The following SLC35F1 variants were observed in gnomAD, a reference collection of about 807,000 sequenced individuals.
The protein encoded by SLC35F1 is chromosome 6 open reading frame 169.
Under a neutral mutation model 48.7 loss-of-function variants are expected in SLC35F1, and 14 were observed. That is an observed-to-expected ratio of 0.29 (90% CI 0.19 to 0.45). The LOEUF is 0.45. Ranked by LOEUF, SLC35F1 falls within the 20% of genes least tolerant of loss-of-function variation. The pLI is 1.00. For synonymous variants in SLC35F1, 190 were observed against 202.2 expected, an observed-to-expected ratio of 0.94 and a Z score of 0.51; for missense variants, 404 against 500.0, an observed-to-expected ratio of 0.81 and a Z score of 1.83.
chr6:118,217,774 G>T (rs1363924523), intron 2 of SLC35F1, among the ~76,000 whole-genome samples: 3 of 152,122 alleles, frequency 2.0e-5, no homozygotes, highest in Non-Finnish European at 2.9e-5. Flanking sequence ...AAATATAAAA[G>T]TGTCATTGCA....
At chr6:118,188,288 G>A (rs906405524) in intron 2 of SLC35F1, among the ~76,000 whole-genome samples, 9 of 152,190 alleles carry the variant, frequency 5.9e-5, no homozygotes, top group Non-Finnish European at 1.3e-4. Context: ...GGTGGCTCAC[G>A]CCTGTAATCC....
chr6:118,048,303 T>G (rs1772330581), intron 1 of SLC35F1, among the ~76,000 whole-genome samples: 1 of 152,128 alleles, frequency 6.6e-6, no homozygotes, highest in Non-Finnish European at 1.5e-5. Context: ...ATTGAGGATT[T>G]TTGCATCAAT....
intron 1 of SLC35F1, among the ~76,000 whole-genome samples, chr6:117,928,914 G>T (rs1010930768): frequency 1.3e-5 from 2 of 152,044 alleles, no homozygotes; most frequent in African/African-American, 4.8e-5. Flanking sequence ...AGTTTCTATT[G>T]AATAAACATA....
intron 2 of SLC35F1, among the ~76,000 whole-genome samples, chr6:118,232,548 CAAA>C (rs771123566): frequency 2.0e-5 from 1 of 50,692 alleles, no homozygotes; most frequent in Non-Finnish European, 4.2e-5. Context: ...AACTCCATCC[CAAA>C]AAAAAAAAAA....
At chr6:118,107,258 A>G (rs1350335430) in intron 1 of SLC35F1, among the ~76,000 whole-genome samples, 2 of 152,170 alleles carry the variant, frequency 1.3e-5, no homozygotes, top group Admixed American at 1.3e-4. Context: ...TCAAAGGAAA[A>G]ACAAAACAAA....
At chr6:118,307,048 A>G (rs1776319745) in intron 7 of SLC35F1, among the ~76,000 whole-genome samples, 2 of 152,346 alleles carry the variant, frequency 1.3e-5, no homozygotes, top group African/African-American at 2.4e-5. Flanking sequence ...CCTGGGTGAT[A>G]GTGTAGGCAC....
chr6:118,268,319 G>A (rs1775803533), intron 4 of SLC35F1, among the ~76,000 whole-genome samples: 1 of 152,078 alleles, frequency 6.6e-6, no homozygotes, highest in South Asian at 2.1e-4. Flanking sequence ...ACAAAAGAGA[G>A]ACAGCCTCAG....
chr6:118,164,155 G>A (rs1263715843), intron 2 of SLC35F1, among the ~76,000 whole-genome samples: 2 of 152,152 alleles, frequency 1.3e-5, no homozygotes, highest in Admixed American at 1.3e-4. Context: ...TACTTGTTAG[G>A]ACTTTTTACA....
chr6:118,173,921 G>A (rs151294576), intron 2 of SLC35F1, among the ~76,000 whole-genome samples: 26 of 152,266 alleles, frequency 1.7e-4, no homozygotes, highest in Middle Eastern at 3.4e-3. Flanking sequence ...AGCAATCTCC[G>A]GAACCTCACC....
intron 6 of SLC35F1, among the ~76,000 whole-genome samples, chr6:118,284,845 A>T (rs577230167): frequency 6.6e-6 from 1 of 152,350 alleles, no homozygotes; most frequent in African/African-American, 2.4e-5. Context: ...TTCAAAATAG[A>T]TGAGTAGCAA....
At chr6:118,157,682 C>T (rs1281867447) in intron 2 of SLC35F1, among the ~76,000 whole-genome samples, 1 of 152,160 alleles carries the variant, frequency 6.6e-6, no homozygotes, top group Non-Finnish European at 1.5e-5. Flanking sequence ...CAGGGAGCAT[C>T]CAGCATGGGA....
At chr6:118,174,990 A>G (rs1378326679) in intron 2 of SLC35F1, among the ~76,000 whole-genome samples, 1 of 152,152 alleles carries the variant, frequency 6.6e-6, no homozygotes, top group Non-Finnish European at 1.5e-5. Flanking sequence ...AGTAAGAAGC[A>G]CAGCCAAGAT....
intron 1 of SLC35F1, among the ~76,000 whole-genome samples, chr6:117,976,910 T>A (rs1174565040): frequency 1.3e-5 from 2 of 152,178 alleles, no homozygotes; most frequent in Admixed American, 1.3e-4. Flanking sequence ...ATAAATATAG[T>A]TTTGTGTGCT....
intron 1 of SLC35F1, among the ~76,000 whole-genome samples, chr6:118,020,445 T>C (rs1777379366): frequency 6.6e-6 from 1 of 152,174 alleles, no homozygotes; most frequent in African/African-American, 2.4e-5. Flanking sequence ...GACTGATAAT[T>C]GTATGCAAAG....
chr6:118,054,985 C>T (rs1772443511), intron 1 of SLC35F1, among the ~76,000 whole-genome samples: 1 of 152,108 alleles, frequency 6.6e-6, no homozygotes, highest in African/African-American at 2.4e-5. Flanking sequence ...CCATGTTGGC[C>T]AGGATGGTCT....
Position 117,907,771 on chromosome 6 carries a change from G to T in SLC35F1, c.45G>T (p.Ser15=). 6.4e-7 allele frequency: 1 copy of T among 1,558,608 alleles called. No individual in the cohort carries two copies. Among genetic ancestry groups the T allele is most frequent in the Non-Finnish European group, 8.6e-7 (1 of 1,161,998 alleles). ...EQPQQQLQPP[S]PAPPNHVVTT... is the part of the protein sequence containing the mutation. ...CGCAGCAGCAGCTGCAGCCGCCGTC[G>T]CCAGCCCCGCCGAACCATGTGGTGA... is the stretch of plus-strand genomic sequence containing the variant. The change falls in exon 1 of 8, where the codon TCG becomes TCT. Residue 15 remains serine (S), a synonymous_variant. Transcript: ENST00000360388.
At chr6:118,136,117 A>G (rs1773790901) in intron 1 of SLC35F1, among the ~76,000 whole-genome samples, 1 of 152,224 alleles carries the variant, frequency 6.6e-6, no homozygotes, top group Non-Finnish European at 1.5e-5. Context: ...TGCTGTGAGC[A>G]TGTGGTACCT....
At chr6:118,001,539 G>T (rs937234340) in intron 1 of SLC35F1, among the ~76,000 whole-genome samples, 2 of 152,056 alleles carry the variant, frequency 1.3e-5, no homozygotes, top group Non-Finnish European at 2.9e-5. Flanking sequence ...CATAGGCATG[G>T]GCAAGGACTT....
At chr6:118,030,968 G>A (rs753768079) in intron 1 of SLC35F1, among the ~76,000 whole-genome samples, 2 of 151,892 alleles carry the variant, frequency 1.3e-5, no homozygotes, top group Admixed American at 6.6e-5. Flanking sequence ...TGAATAAACT[G>A]TAGTTTTTGA....
Sources: gnomAD v4.1 joint callset for allele counts (sites outside exome capture counted in the v4.1 genomes callset) on GRCh38, gnomAD v4.1.1 for gene constraint, MANE v1.5 for transcripts, NCBI Gene and HGNC (gene_info 2026-07-23, HGNC 2026-07-21) for gene names.